Variants in ETV1 observed in about 807,000 individuals in gnomAD.
ETV1 encodes the protein ETS translocation variant 1.
In ETV1, 27 loss-of-function variants were observed where a neutral mutation model predicts 62.3. The ratio of observed to expected loss-of-function variants is 0.43; its 90% CI spans 0.32 to 0.60. The LOEUF (loss-of-function observed/expected upper bound fraction) is 0.60, where lower values mean the gene tolerates loss of function less well. Among genes scored for constraint, ETV1 ranks in the 20% least tolerant of loss-of-function variants. The pLI, the probability that ETV1 is intolerant of heterozygous loss-of-function variation, is 0.06. For missense variants in ETV1, 605 were observed against 605.8 expected (o/e 1.00, Z 0.01); for synonymous variants, 222 against 199.6 (o/e 1.11, Z -0.94).
Position 13,906,668 on chromosome 7 carries a change from A to T in ETV1, c.941-69T>A, listed in dbSNP as rs534940797. ...GCTATCTTACATAAAATGTACATTA[A>T]ATCAATCACTAATATGGTTAAACCA... On this transcript the variant is annotated intron_variant, in intron 11 of 13. Coordinates refer to ENST00000430479, the MANE Select transcript of ETV1 (RefSeq NM_004956.5). The T allele has an allele frequency of 4.7e-5, 55 of 1,178,802 alleles. No individual in the cohort carries two copies. In the South Asian group the frequency reaches 8.6e-4, roughly 18 times the overall value. The allele number at this position is 1,178,802 out of a possible 1,614,324, so 73.0% of individuals were successfully genotyped here. A position where few individuals can be genotyped will look rare whatever the true frequency, so the allele number is the denominator to read the frequency against.
chr7:13,892,263 TTC>T lies in ETV1; in HGVS notation c.*3601_*3602del, dbSNP rs199762151. ...ACTATTATTATCATACCTTCTGTTT[TTC>T]TGTTTCATGACTTAGTGTTTTCCTG... On this transcript the variant is annotated 3_prime_UTR_variant, in exon 14 of 14. Coordinates refer to ENST00000430479, the MANE Select transcript of ETV1 (RefSeq NM_004956.5). The T allele has an allele frequency of 0.012, 2,772 of 232,728 alleles. 30 individuals carry two copies. Among genetic ancestry groups the T allele is most frequent in the Non-Finnish European group, 0.017 (1,994 of 117,794 alleles). 14.4% of individuals were successfully genotyped at this position (232,728 alleles called of 1,614,324 possible).
At chr7:13,905,923 G>A (rs778276888) in intron 12 of ETV1, among the ~76,000 whole-genome samples, 4 of 152,018 alleles carry the variant, frequency 2.6e-5, no homozygotes, top group Non-Finnish European at 4.4e-5. Context: ...CCCTTTATCC[G>A]CCACAGCTGT....
intron 9 of ETV1, among the ~76,000 whole-genome samples, chr7:13,918,371 C>T (rs1372916205): frequency 6.6e-6 from 1 of 152,204 alleles, no homozygotes. Flanking sequence ...TATTTCTCCA[C>T]ATCCTCTCCA....
chr7:13,988,616 A>C, intron 3 of ETV1: 2 of 1,317,254 alleles, frequency 1.5e-6, no homozygotes, highest in Non-Finnish European at 1.9e-6. Context: ...AAAAGAGAAA[A>C]TGAGAAAAAA....
At chr7:13,940,267 C>T (rs572062377) in intron 6 of ETV1, among the ~76,000 whole-genome samples, 5 of 150,796 alleles carry the variant, frequency 3.3e-5, no homozygotes, top group Middle Eastern at 3.4e-3. Context: ...GAGGCTGAGG[C>T]GGGAGAATTG....
At chr7:13,938,466 T>G (rs1299173240) in intron 7 of ETV1, among the ~76,000 whole-genome samples, 1 of 150,166 alleles carries the variant, frequency 6.7e-6, no homozygotes, top group Non-Finnish European at 1.5e-5. Context: ...TAATACTCAG[T>G]AGAGACAGCC....
At chr7:13,913,084 G>C (rs1375972284) in intron 9 of ETV1, among the ~76,000 whole-genome samples, 1 of 152,144 alleles carries the variant, frequency 6.6e-6, no homozygotes, top group African/African-American at 2.4e-5. Flanking sequence ...TTTAACTTTT[G>C]TTAAATGCTT....
intron 9 of ETV1, among the ~76,000 whole-genome samples, chr7:13,920,936 C>T (rs1021473101): frequency 1.3e-5 from 2 of 152,142 alleles, no homozygotes; most frequent in East Asian, 3.9e-4. Flanking sequence ...ATTAGGAAGA[C>T]ATCACTGTCA....
chr7:13,915,840 T>C (rs553621750), intron 9 of ETV1, among the ~76,000 whole-genome samples: 1 of 152,292 alleles, frequency 6.6e-6, no homozygotes, highest in African/African-American at 2.4e-5. Context: ...TAAGGACATA[T>C]ATATCTGAAT....
intron 13 of ETV1, among the ~76,000 whole-genome samples, chr7:13,898,937 T>G (rs1782118369): frequency 6.6e-6 from 1 of 152,206 alleles, no homozygotes; most frequent in African/African-American, 2.4e-5. Flanking sequence ...AGTTCAGATA[T>G]ACTTTACATT....
chr7:13,953,388 C>T (rs1032685886), intron 6 of ETV1, among the ~76,000 whole-genome samples: 2 of 152,138 alleles, frequency 1.3e-5, no homozygotes, highest in Admixed American at 6.6e-5. Flanking sequence ...ACTCTTTAAG[C>T]CCTGCAAAGT....
intron 8 of ETV1, among the ~76,000 whole-genome samples, chr7:13,932,869 A>G (rs1404134709): frequency 6.6e-6 from 1 of 152,226 alleles, no homozygotes; most frequent in East Asian, 1.9e-4. Context: ...AAAATAAGGT[A>G]AAAGCTAAAG....
chr7:13,990,882 A>C (rs1782971829), upstream of ETV1, among the ~76,000 whole-genome samples: 2 of 152,132 alleles, frequency 1.3e-5, no homozygotes, highest in Non-Finnish European at 2.9e-5. Context: ...TGCAGTTCTC[A>C]ATTTCTATTT....
At chr7:13,901,757 G>A (rs1381452734) in intron 12 of ETV1, among the ~76,000 whole-genome samples, 3 of 152,206 alleles carry the variant, frequency 2.0e-5, no homozygotes, top group African/African-American at 7.2e-5. Flanking sequence ...CATTCATTTA[G>A]AGAACGGTAA....
At chr7:13,944,230 G>A (rs1479049533) in intron 6 of ETV1, among the ~76,000 whole-genome samples, 1 of 152,180 alleles carries the variant, frequency 6.6e-6, no homozygotes, top group Non-Finnish European at 1.5e-5. Context: ...TTAGGCTGCT[G>A]TAACAAAAAT....
At position 13,891,471 on chromosome 7, in the gene ETV1, A is replaced by G. The variant is rs1781379508; in HGVS notation, c.*4395T>C. ...TGAATCCATAAACAATAGCCACGGTATATACACTTGTAACTGAAAATTCTG... is the reference window on the plus strand; with the variant it reads ...TGAATCCATAAACAATAGCCACGGTGTATACACTTGTAACTGAAAATTCTG... On this transcript the variant is annotated 3_prime_UTR_variant, in exon 14 of 14. Coordinates refer to ENST00000430479, the MANE Select transcript of ETV1 (RefSeq NM_004956.5). 1 of 231,830 alleles carries G rather than the reference A, an allele frequency of 4.3e-6. No homozygotes were observed. The highest frequency in any genetic ancestry group is 6.2e-5 in the East Asian group (1 of 16,248). 14.4% of individuals were successfully genotyped at this position (231,830 alleles called of 1,614,324 possible).
chr7:13,941,379 T>C (rs768911802), intron 6 of ETV1, among the ~76,000 whole-genome samples: 1 of 152,142 alleles, frequency 6.6e-6, no homozygotes. Flanking sequence ...TATCCAGAAT[T>C]TTCTTTAAAA....
chr7:13,988,546 C>T (rs1429342350), intron 3 of ETV1: 2 of 819,024 alleles, frequency 2.4e-6, no homozygotes, highest in African/African-American at 1.9e-5. Context: ...ACAGCCCCTC[C>T]TCCCCACCCC....
chr7:13,967,025 A>T lies in ETV1; in HGVS notation c.235+10402T>A, dbSNP rs142882216. 1.5e-3 allele frequency among the ~76,000 whole-genome samples: 229 copies of T among 152,322 alleles called. 1 individual carries two copies. Among genetic ancestry groups the T allele is most frequent in the Non-Finnish European group, 2.5e-3 (169 of 68,010 alleles). Reference sequence around the variant, plus strand: ...TGTGTAGCATATGTACCCAATAAATAAATTAATTAAACTAAACTCTCATAG... The same window carrying T: ...TGTGTAGCATATGTACCCAATAAATTAATTAATTAAACTAAACTCTCATAG... On this transcript the variant is annotated intron_variant, in intron 6 of 13. Transcript: ENST00000430479.
Sources: gnomAD v4.1 joint callset for allele counts (sites outside exome capture counted in the v4.1 genomes callset) on GRCh38, gnomAD v4.1.1 for gene constraint, MANE v1.5 for transcripts, NCBI Gene and HGNC (gene_info 2026-07-23, HGNC 2026-07-21) for gene names.